Variants in KIFC3 observed in about 807,000 individuals in gnomAD.
KIFC3 encodes the protein kinesin-like protein KIFC3.
In KIFC3, 60 loss-of-function variants were observed where a neutral mutation model predicts 101.8. The ratio of observed to expected loss-of-function variants is 0.59; its 90% CI spans 0.48 to 0.73. KIFC3 has a LOEUF of 0.73. Among genes scored for constraint, KIFC3 ranks in the 30% least tolerant of loss-of-function variants. The probability of loss-of-function intolerance (pLI) is 0.00; values close to 1 mark genes in which losing one functional copy is unlikely to be tolerated. For synonymous variants in KIFC3, 476 were observed against 482.7 expected (o/e 0.99, Z 0.18); for missense variants, 966 against 1,137.1 (o/e 0.85, Z 2.16).
In KIFC3 at chr16:57,795,130, C is replaced by CT; in HGVS notation, c.183dup (p.Asp62ArgfsTer7). On this transcript the variant is annotated frameshift_variant, in exon 3 of 20. Coordinates refer to ENST00000445690, the MANE Select transcript of KIFC3 (RefSeq NM_001130100.2). LOFTEE classifies it high-confidence loss of function. The stretch of plus-strand genomic sequence containing the variant: ...TCCTCGTCACCGCAGACTGGGGTAT[C>CT]TTTTCCACGCCCTGTCCCAGGACAG... 1 of 1,611,366 alleles carries CT rather than the reference C, an allele frequency of 6.2e-7. No individual in the cohort carries two copies. Among genetic ancestry groups the CT allele is most frequent in the Non-Finnish European group, 8.5e-7 (1 of 1,178,938 alleles).
chr16:57,851,391 A>AT (rs1210609749), intron 1 of KIFC3, among the ~76,000 whole-genome samples: 2 of 151,444 alleles, frequency 1.3e-5, no homozygotes, highest in African/African-American at 2.4e-5. Context: ...CCACTTACTG[A>AT]TTTTTCCCCT....
intron 1 of KIFC3, among the ~76,000 whole-genome samples, chr16:57,843,579 G>A (rs745542325): frequency 1.1e-4 from 16 of 152,114 alleles, no homozygotes; most frequent in Non-Finnish European, 2.1e-4. Flanking sequence ...AGGAGGCTGA[G>A]ACAGGAGGAT....
At position 57,758,539 on chromosome 16, in the gene KIFC3, C is replaced by T. The variant is rs1555590689; in HGVS notation, c.*395G>A. On this transcript the variant is annotated 3_prime_UTR_variant, in exon 20 of 20. Transcript: ENST00000445690. ...TCTGCCCAGAGGCTCCTCGCCCACC[C>T]CCTAAGGAGGGGGCTGGCCAGCTCT... 2 of 594,538 alleles carry T rather than the reference C, an allele frequency of 3.4e-6. No individual in the cohort carries two copies. The highest frequency in any genetic ancestry group is 6.3e-6 in the Non-Finnish European group (2 of 318,046). 36.8% of individuals were successfully genotyped at this position (594,538 alleles called of 1,614,324 possible).
upstream of KIFC3, chr16:57,802,950 C>G (rs1555626076): frequency 1.3e-6 from 2 of 1,534,240 alleles, no homozygotes; most frequent in East Asian, 4.9e-5. This position sits in a 1 kb window ranked among gnomAD's most constrained non-coding sequence, Gnocchi z 5.0. Flanking sequence ...CACACACAAG[C>G]TCTTACTCAC....
chr16:57,772,926 C>T (rs894624101), intron 3 of KIFC3, among the ~76,000 whole-genome samples: 4 of 152,156 alleles, frequency 2.6e-5, no homozygotes, highest in East Asian at 1.9e-4. Context: ...GAGGAAGCCA[C>T]GGTTACCTAG....
At chr16:57,814,314 AC>A (rs1555628359) in intron 1 of KIFC3, among the ~76,000 whole-genome samples, 2 of 151,752 alleles carry the variant, frequency 1.3e-5, no homozygotes, top group African/African-American at 4.8e-5. Context: ...CCCCAGGACC[AC>A]CTCCCCTTCC....
intron 6 of KIFC3, 80 bp downstream of exon 6, chr16:57,771,118 A>G: frequency 2.6e-6 from 4 of 1,543,696 alleles, no homozygotes; most frequent in South Asian, 1.2e-5. Context: ...TCACCAGGAC[A>G]AGCCCCCCTT....
chr16:57,800,075 C>T, intron 1 of KIFC3, among the ~76,000 whole-genome samples: 1 of 151,628 alleles, frequency 6.6e-6, no homozygotes, highest in Middle Eastern at 3.4e-3. Context: ...ATTGGGGAGA[C>T]AGAGAGACAG....
chr16:57,802,392 A>T lies in KIFC3; in HGVS notation c.-62T>A. 1.0e-6 allele frequency: 1 copy of T among 983,150 alleles called. No individual in the cohort carries two copies. The highest frequency in any genetic ancestry group is 4.7e-5 in the South Asian group (1 of 21,332). The allele number at this position is 983,150 out of a possible 1,614,324, so 60.9% of individuals were successfully genotyped here. A position where few individuals can be genotyped will look rare whatever the true frequency, so the allele number is the denominator to read the frequency against. ...CACCGGCCTGGCGGAGGCAGGATCC[A>T]GGCGTCGCCGCAGCGCCCGGGGCTC... On this transcript the variant is annotated 5_prime_UTR_variant, in exon 1 of 20. Transcript: ENST00000445690. This position sits in a 1 kb window ranked among gnomAD's most constrained non-coding sequence, Gnocchi z 5.0.
At chr16:57,761,607 C>G in intron 13 of KIFC3, 71 bp from the exon 14 acceptor site, 1 of 1,557,884 alleles carries the variant, frequency 6.4e-7, no homozygotes, top group Non-Finnish European at 8.7e-7. Flanking sequence ...ACCCAGCCCC[C>G]CAGCCAGGAA....
chr16:57,824,842 G>A (rs1343752609), intron 1 of KIFC3, among the ~76,000 whole-genome samples: 1 of 152,066 alleles, frequency 6.6e-6, no homozygotes, highest in East Asian at 1.9e-4. Flanking sequence ...ATGGGGTCTC[G>A]CTCTATTCCT....
intron 1 of KIFC3, among the ~76,000 whole-genome samples, chr16:57,810,152 A>C (rs1404190104): frequency 5.9e-5 from 9 of 151,942 alleles, no homozygotes; most frequent in Admixed American, 5.9e-4. Flanking sequence ...CTGGCACTTC[A>C]CTGGGGCTCC....
intron 1 of KIFC3, among the ~76,000 whole-genome samples, chr16:57,813,022 C>T (rs2055129163): frequency 6.6e-6 from 1 of 152,142 alleles, no homozygotes; most frequent in African/African-American, 2.4e-5. Flanking sequence ...GTTTAGGCAA[C>T]TTGCTGTTGA....
At position 57,759,763 on chromosome 16, in the gene KIFC3, C is replaced by T. The variant is rs556639686; in HGVS notation, c.2441G>A (p.Arg814His). 8.9e-5 allele frequency: 143 copies of T among 1,611,074 alleles called. No homozygotes were observed. Among genetic ancestry groups the T allele is most frequent in the South Asian group, 7.3e-4 (66 of 90,670 alleles). Residue 814 changes from arginine to histidine, a missense_variant, in exon 18 of 20, where the codon CGC (arginine) becomes CAC (histidine). By Grantham distance (29) the Arg-to-His change is conservative. Coordinates refer to ENST00000445690, the MANE Select transcript of KIFC3 (RefSeq NM_001130100.2). ...HSAPSSGTSS[R>H]PGSIRRKLQP... is the part of the protein sequence containing the mutation. ...CAGCTTCCTCCGGATGGATCCAGGG[C>T]GGCTACTGGTCCCAGAGCTGGGGGC...
chr16:57,825,932 A>C (rs370504367), intron 1 of KIFC3, among the ~76,000 whole-genome samples: 32 of 152,112 alleles, frequency 2.1e-4, no homozygotes, highest in African/African-American at 7.2e-4. Flanking sequence ...CAATCCACCC[A>C]CCTTGGTCTC....
upstream of KIFC3, among the ~76,000 whole-genome samples, chr16:57,803,907 A>G (rs892453629): frequency 2.0e-4 from 31 of 152,214 alleles, no homozygotes; most frequent in African/African-American, 7.5e-4. Context: ...GGGGACCGCA[A>G]GGGTGGATGA....
At chr16:57,825,032 T>C (rs1274519188) in intron 1 of KIFC3, among the ~76,000 whole-genome samples, 1 of 152,148 alleles carries the variant, frequency 6.6e-6, no homozygotes, top group South Asian at 2.1e-4. Context: ...ATGAGATGGA[T>C]GGATGGATGT....
At chr16:57,765,381 C>A in intron 11 of KIFC3, 78 bp downstream of exon 11, 2 of 1,421,746 alleles carry the variant, frequency 1.4e-6, no homozygotes, top group Non-Finnish European at 1.9e-6. Flanking sequence ...CTTCTTCCTG[C>A]CCAGCGCCCC....
At chr16:57,850,210 C>G (rs2056019992) in intron 1 of KIFC3, among the ~76,000 whole-genome samples, 1 of 151,842 alleles carries the variant, frequency 6.6e-6, no homozygotes, top group Non-Finnish European at 1.5e-5. Context: ...GACCACCAGC[C>G]TGGGCAACAT....
Sources: allele counts gnomAD v4.1 joint callset (sites outside exome capture counted in the v4.1 genomes callset), GRCh38; gene constraint gnomAD v4.1.1; non-coding constraint Gnocchi (gnomAD v3.1); transcripts MANE v1.5; gene names NCBI Gene and HGNC (gene_info 2026-07-23, HGNC 2026-07-21).